LRIG2: variants seen among roughly 807,000 people sequenced by gnomAD.
LRIG2 encodes the protein leucine-rich repeats and immunoglobulin-like domains protein 2.
Under a neutral mutation model 107.8 loss-of-function variants are expected in LRIG2, and 93 were observed. The observed-to-expected ratio is 0.86, with a 90% confidence interval of 0.73 to 1.03. The LOEUF is 1.03. Among genes scored for constraint, LRIG2 ranks in the 50% least tolerant of loss-of-function variants. The probability of loss-of-function intolerance (pLI) is 0.00; values close to 1 mark genes in which losing one functional copy is unlikely to be tolerated. For synonymous variants in LRIG2, 471 were observed against 470.6 expected (o/e 1.00, Z -0.01); for missense variants, 1,226 against 1,296.0 (o/e 0.95, Z 0.83).
At chr1:113,085,348 ATC>A (rs1339120609) in intron 1 of LRIG2, among the ~76,000 whole-genome samples, 1 of 152,078 alleles carries the variant, frequency 6.6e-6, no homozygotes, top group Non-Finnish European at 1.5e-5. Context: ...CAATGGTGGG[ATC>A]TCTGCTCACC....
At chr1:113,079,456 G>A (rs1053234098) in intron 1 of LRIG2, among the ~76,000 whole-genome samples, 3 of 151,566 alleles carry the variant, frequency 2.0e-5, no homozygotes, top group Non-Finnish European at 4.4e-5. Context: ...AGGCAGAGGC[G>A]GGTACATCAC....
chr1:113,113,683 C>T (rs1427597739), intron 14 of LRIG2, among the ~76,000 whole-genome samples: 1 of 151,934 alleles, frequency 6.6e-6, no homozygotes, highest in Admixed American at 6.6e-5. Flanking sequence ...CTGCCTCAGC[C>T]TCCTGAGTAG....
At chr1:113,073,698 A>G (rs944709996) in intron 1 of LRIG2, 53 bp downstream of exon 1, 19 of 1,518,852 alleles carry the variant, frequency 1.3e-5, no homozygotes, top group Middle Eastern at 1.7e-4. Flanking sequence ...CCTTCCCTCT[A>G]CAGGGGGCAG....
At chr1:113,096,461 G>C in intron 8 of LRIG2, 96 bp downstream of exon 8, 1 of 1,296,858 alleles carries the variant, frequency 7.7e-7, no homozygotes. Context: ...TGCAAATTCT[G>C]TATGCTAACA....
chr1:113,094,599 A>G lies in LRIG2; in HGVS notation c.660-13A>G, dbSNP rs1217520542. On this transcript the variant is annotated splice_polypyrimidine_tract_variant and intron_variant, in intron 5 of 17. Coordinates refer to ENST00000361127, the MANE Select transcript of LRIG2 (RefSeq NM_014813.3). ...AAACCAATTTCCTGACTGTAAAACT[A>G]TTTTTGTTAAAGGGAACTTAAAAGA... is the stretch of plus-strand genomic sequence containing the variant. 1.2e-6 allele frequency: 2 copies of G among 1,606,924 alleles called. No homozygotes were observed. The highest frequency in any genetic ancestry group is 2.2e-5 in the South Asian group (2 of 90,000).
At chr1:113,084,015 A>G (rs1215542818) in intron 1 of LRIG2, among the ~76,000 whole-genome samples, 3 of 136,196 alleles carry the variant, frequency 2.2e-5, no homozygotes, top group South Asian at 2.6e-4. Context: ...TAATAATAAT[A>G]ATAATAATAA....
chr1:113,103,019 C>T (rs1381302329), intron 11 of LRIG2, among the ~76,000 whole-genome samples: 1 of 142,310 alleles, frequency 7.0e-6, no homozygotes. Context: ...TTTTTTTTTG[C>T]CAGTGATAAC....
intron 11 of LRIG2, among the ~76,000 whole-genome samples, chr1:113,101,049 G>T (rs1654287547): frequency 6.6e-6 from 1 of 151,958 alleles, no homozygotes; most frequent in African/African-American, 2.4e-5. Context: ...GGTTAGTTGG[G>T]CATTGGTATT....
chr1:113,094,858 A>G, intron 6 of LRIG2, 103 bp downstream of exon 6: 1 of 1,090,868 alleles, frequency 9.2e-7, no homozygotes. Flanking sequence ...AGATACATTC[A>G]TTCATTCCCT....
chr1:113,090,832 C>T (rs530004880), intron 1 of LRIG2, among the ~76,000 whole-genome samples: 2 of 139,988 alleles, frequency 1.4e-5, no homozygotes, highest in East Asian at 2.2e-4. Flanking sequence ...AGCGAGACTC[C>T]GTCTCAAAAA....
chr1:113,085,042 A>C (rs967084932), intron 1 of LRIG2, among the ~76,000 whole-genome samples: 1 of 152,354 alleles, frequency 6.6e-6, no homozygotes, highest in South Asian at 2.1e-4. Flanking sequence ...TGGAATAGTT[A>C]ATTGAACTTT....
chr1:113,088,194 G>A (rs1415536675), intron 1 of LRIG2, among the ~76,000 whole-genome samples: 1 of 152,114 alleles, frequency 6.6e-6, no homozygotes, highest in Non-Finnish European at 1.5e-5. Flanking sequence ...CTCATTATAT[G>A]GGGCTCTGAC....
intron 12 of LRIG2, among the ~76,000 whole-genome samples, chr1:113,108,210 A>G (rs918741465): frequency 2.6e-5 from 4 of 151,158 alleles, no homozygotes; most frequent in African/African-American, 9.7e-5. Flanking sequence ...TCTAGCACTT[A>G]TAATTTCAAA....
At chr1:113,114,281 T>G (rs1419724665) in intron 14 of LRIG2, 146 bp from the exon 15 acceptor site, 4 of 568,660 alleles carry the variant, frequency 7.0e-6, no homozygotes, top group Admixed American at 3.6e-5. Context: ...TTTCAGGATT[T>G]TGTTCTGAAA....
At chr1:113,092,976 T>A (rs1449172982) in intron 2 of LRIG2, among the ~76,000 whole-genome samples, 1 of 148,604 alleles carries the variant, frequency 6.7e-6, no homozygotes, top group African/African-American at 2.5e-5. Context: ...GCAAAAAGAA[T>A]GAAACTCTGT....
chr1:113,094,906 A>C, intron 6 of LRIG2, 151 bp downstream of exon 6: 1 of 636,450 alleles, frequency 1.6e-6, no homozygotes, highest in East Asian at 3.0e-5. Context: ...AAAACCTTTA[A>C]AGTTTTGTTA....
At chr1:113,080,360 A>C (rs1216767) in intron 1 of LRIG2, among the ~76,000 whole-genome samples, 134,558 of 151,654 alleles carry the variant, frequency 0.89, 61,359 homozygotes, top group Non-Finnish European at 0.98. Context: ...AACCCATTCT[A>C]ATTTGCTTCT....
rs776387144 is a variant in LRIG2, at chr1:113,114,544, A to G, written c.2198A>G (p.Asp733Gly). The G allele has an allele frequency of 2.5e-6, 4 of 1,614,086 alleles. No individual in the cohort carries two copies. Among genetic ancestry groups the G allele is most frequent in the South Asian group, 1.1e-5 (1 of 91,074 alleles). ...CCTCGTCTCAACTGGACTAAAGATG[A>G]TGGGCCTTTGCTGGTGACAGAACGA... ...PAPRLNWTKD[D>G]GPLLVTERHF... Residue 733 changes from aspartate to glycine, a missense_variant, in exon 15 of 18, where the codon GAT (aspartate) becomes GGT (glycine). Physicochemically the swap from Asp to Gly is moderately conservative, Grantham distance 94. This residue lies in a region of LRIG2 where 642 missense variants were observed against 712.2 expected (regional missense o/e 0.90). Transcript: ENST00000361127.
intron 1 of LRIG2, among the ~76,000 whole-genome samples, chr1:113,080,840 T>TG (rs1557896181): frequency 3.2e-4 from 46 of 145,652 alleles, no homozygotes; most frequent in African/African-American, 1.2e-3. Flanking sequence ...CTAAAAGTTT[T>TG]TTTTTTTTTT....
Sources: allele counts gnomAD v4.1 joint callset (sites outside exome capture counted in the v4.1 genomes callset), GRCh38; gene constraint gnomAD v4.1.1; regional missense constraint gnomAD v4.1.1; transcripts MANE v1.5; gene names NCBI Gene and HGNC (gene_info 2026-07-23, HGNC 2026-07-21).